Variants in GSE1 observed in about 807,000 individuals in gnomAD.
GSE1 encodes genetic suppressor element 1.
GSE1 carries 32 observed loss-of-function variants against 112.6 expected under a neutral mutation model. The observed-to-expected ratio is 0.28, with a 90% confidence interval of 0.21 to 0.38. GSE1 has a LOEUF of 0.38. Among genes scored for constraint, GSE1 ranks in the 10% least tolerant of loss-of-function variants. GSE1 has a pLI of 1.00. For missense variants in GSE1, 2,348 were observed against 1,699.2 expected (o/e 1.38, Z -6.71); for synonymous variants, 1,115 against 735.6 (o/e 1.52, Z -8.35).
intron 2 of GSE1, among the ~76,000 whole-genome samples, chr16:85,488,081 G>C (rs1010665914): frequency 6.6e-6 from 1 of 152,250 alleles, no homozygotes; most frequent in East Asian, 1.9e-4. Context: ...GGCTGTCCTC[G>C]CTGTGACCTT....
intron 2 of GSE1, among the ~76,000 whole-genome samples, chr16:85,528,908 CAGG>C (rs974378149): frequency 6.6e-6 from 1 of 152,116 alleles, no homozygotes; most frequent in Admixed American, 6.6e-5. Flanking sequence ...GAGTGAAAGC[CAGG>C]AGATCAGCGA....
At chr16:85,520,217 G>T (rs1283159535) in intron 2 of GSE1, among the ~76,000 whole-genome samples, 1 of 152,086 alleles carries the variant, frequency 6.6e-6, no homozygotes, top group Non-Finnish European at 1.5e-5. Context: ...ATGGTGAAAG[G>T]GGGGACCCTT....
At chr16:85,241,186 C>T (rs1426754465) in intron 1 of GSE1, among the ~76,000 whole-genome samples, 5 of 147,396 alleles carry the variant, frequency 3.4e-5, no homozygotes, top group African/African-American at 1.4e-4. Context: ...ACCTTGGGCT[C>T]GGCTGCGAGA....
intron 1 of GSE1, among the ~76,000 whole-genome samples, chr16:85,236,906 G>A (rs878884727): frequency 2.6e-5 from 4 of 152,194 alleles, no homozygotes; most frequent in Admixed American, 6.5e-5. Context: ...CCAGCCACCT[G>A]CCCTTGCAGA....
chr16:85,579,339 C>T (rs2046356016), intron 1 of GSE1, among the ~76,000 whole-genome samples: 1 of 152,170 alleles, frequency 6.6e-6, no homozygotes, highest in South Asian at 2.1e-4. Flanking sequence ...CTGGCTGGGG[C>T]CAGCTTGGGT....
intron 1 of GSE1, among the ~76,000 whole-genome samples, chr16:85,572,296 A>AACACACACCACATACCCCCACACACC (rs2046027117): frequency 7.1e-6 from 1 of 140,922 alleles, no homozygotes; most frequent in Non-Finnish European, 1.5e-5. Context: ...CCCCACACAC[A>AACACACACCACATACCCCCACACACC]ACACACACCA....
At chr16:85,413,495 C>T (rs981508108) in intron 2 of GSE1, among the ~76,000 whole-genome samples, 8 of 151,572 alleles carry the variant, frequency 5.3e-5, no homozygotes, top group Non-Finnish European at 1.2e-4. Flanking sequence ...CACCTTCAGG[C>T]GGCAAGGGCT....
intron 2 of GSE1, among the ~76,000 whole-genome samples, chr16:85,482,890 A>G (rs537918919): frequency 4.6e-5 from 7 of 151,960 alleles, no homozygotes; most frequent in African/African-American, 1.7e-4. Flanking sequence ...AGGCAGGAGA[A>G]TCGCTTGAAC....
At chr16:85,613,312 T>TTC (rs2048120852), upstream of GSE1, 3 of 1,528,460 alleles carry the variant, frequency 2.0e-6, no homozygotes, top group Non-Finnish European at 2.6e-6. Flanking sequence ...CAGCCCCGGG[T>TTC]GAGATAAGCA....
At chr16:85,543,001 G>A (rs1014489734) in intron 2 of GSE1, among the ~76,000 whole-genome samples, 1 of 152,180 alleles carries the variant, frequency 6.6e-6, no homozygotes, top group Non-Finnish European at 1.5e-5. Flanking sequence ...GCCAAGGTGG[G>A]TAGATCATGA....
intron 1 of GSE1, among the ~76,000 whole-genome samples, chr16:85,563,391 T>C (rs913568733): frequency 6.6e-6 from 1 of 152,168 alleles, no homozygotes; most frequent in African/African-American, 2.4e-5. Context: ...AAATGTATTT[T>C]TCCGGCTTTT....
rs1417897370 is a variant in GSE1 at position 85,633,904 on chromosome 16, C to T, written c.8-10C>T. ...CTGGGTGACCTCTGGTTCTTCTTTT[C>T]CTGTTTCAGGCATGAGCCATGAGCC... On this transcript the variant is annotated splice_polypyrimidine_tract_variant and intron_variant, in intron 1 of 15. Coordinates refer to ENST00000253458, the MANE Select transcript of GSE1 (RefSeq NM_014615.5). The T allele has an allele frequency of 1.2e-6, 2 of 1,604,382 alleles. No individual in the cohort carries two copies. The highest frequency in any genetic ancestry group is 1.7e-6 in the Non-Finnish European group (2 of 1,174,626).
chr16:85,463,024 C>G (rs1455913399), intron 2 of GSE1: 67 of 869,682 alleles, frequency 7.7e-5, no homozygotes, highest in Non-Finnish European at 9.0e-5. Flanking sequence ...CCGCCGCGGG[C>G]CATGCTGGGC....
exon 1 of GSE1, chr16:85,170,343 G>A: frequency 1.0e-6 from 1 of 985,500 alleles, no homozygotes; most frequent in Non-Finnish European, 1.2e-6. Flanking sequence ...GCGTCCTGAG[G>A]AGCATTCAGG....
chr16:85,367,615 C>A (rs2047211115), intron 2 of GSE1, among the ~76,000 whole-genome samples: 1 of 152,180 alleles, frequency 6.6e-6, no homozygotes, highest in South Asian at 2.1e-4. Flanking sequence ...GAGTTCCAGA[C>A]CAAGCGAAGA....
chr16:85,653,858 G>A lies in GSE1; in HGVS notation c.427-420G>A, dbSNP rs191235041. Among the ~76,000 whole-genome samples, 982 of 152,312 alleles carry A rather than the reference G, an allele frequency of 6.4e-3. 5 individuals are homozygous for A. The Middle Eastern group carries it at 0.065, about 10-fold the overall frequency. ...ACGTCTTGGCTACATCGTGGCACTC[G>A]CTTCACGGCGTGCTGGGTGCCAACG... On this transcript the variant is annotated intron_variant, in intron 3 of 15. Coordinates refer to ENST00000253458, the MANE Select transcript of GSE1 (RefSeq NM_014615.5).
At chr16:85,562,358 A>AC (rs1234558298) in intron 1 of GSE1, among the ~76,000 whole-genome samples, 4 of 126,682 alleles carry the variant, frequency 3.2e-5, no homozygotes, top group South Asian at 4.9e-4. Flanking sequence ...TCTGGTTCCC[A>AC]CCCCCCCTGC....
chr16:85,395,909 G>A (rs2151656864), intron 2 of GSE1, among the ~76,000 whole-genome samples: 1 of 152,252 alleles, frequency 6.6e-6, no homozygotes, highest in Admixed American at 6.5e-5. Flanking sequence ...GGCTGCGTGA[G>A]GAGTCCCGGC....
At chr16:85,310,640 C>G (rs922766268) in intron 1 of GSE1, among the ~76,000 whole-genome samples, 5 of 152,118 alleles carry the variant, frequency 3.3e-5, no homozygotes, top group African/African-American at 9.7e-5. Flanking sequence ...CCTCTCTCAG[C>G]CATCCCAGGC....
Sources: allele counts gnomAD v4.1 joint callset (sites outside exome capture counted in the v4.1 genomes callset), GRCh38; gene constraint gnomAD v4.1.1; transcripts MANE v1.5; gene names NCBI Gene and HGNC (gene_info 2026-07-23, HGNC 2026-07-21).